The following TTC28 variants were observed in gnomAD, a reference collection of about 807,000 sequenced individuals.
TTC28 encodes tetratricopeptide repeat domain 28, also known as tetratricopeptide repeat protein 28.
TTC28 carries 61 observed loss-of-function variants against 198.0 expected under a neutral mutation model. The ratio of observed to expected loss-of-function variants is 0.31; its 90% CI spans 0.25 to 0.38. The LOEUF (loss-of-function observed/expected upper bound fraction) is 0.38. Ranked by LOEUF, TTC28 falls within the 10% of genes least tolerant of loss-of-function variation. TTC28 has a pLI of 1.00. For missense variants in TTC28, 2,678 were observed against 3,164.0 expected (o/e 0.85, Z 3.69); for synonymous variants, 1,171 against 1,297.8 (o/e 0.90, Z 2.10).
intron 5 of TTC28, among the ~76,000 whole-genome samples, chr22:28,170,907 C>T (rs1243306604): frequency 2.0e-5 from 3 of 152,030 alleles, no homozygotes; most frequent in Non-Finnish European, 2.9e-5. Context: ...TGCCTAGAAG[C>T]GCTTCTAACC....
chr22:28,476,777 A>C (rs1461726292), intron 2 of TTC28, among the ~76,000 whole-genome samples: 1 of 152,190 alleles, frequency 6.6e-6, no homozygotes, highest in Non-Finnish European at 1.5e-5. Flanking sequence ...ACTCTTAAGT[A>C]TTTGCTCAAG....
chr22:28,283,216 C>T (rs1404434529), intron 5 of TTC28, among the ~76,000 whole-genome samples: 1 of 152,040 alleles, frequency 6.6e-6, no homozygotes, highest in Non-Finnish European at 1.5e-5. Context: ...ACTTAATACT[C>T]CCTAAGAGGA....
chr22:28,225,363 AAAG>A (rs1386752531), intron 5 of TTC28, among the ~76,000 whole-genome samples: 43 of 108,922 alleles, frequency 3.9e-4, no homozygotes, highest in African/African-American at 1.9e-3. Flanking sequence ...TTAAAAAAAA[AAAG>A]AAAAGAAGAA....
rs1189014400 is a variant in TTC28, at chr22:28,271,922, G to A, written c.933+24276C>T. Among the ~76,000 whole-genome samples the A allele has an allele frequency of 4.6e-5, 7 of 152,008 alleles. No individual in the cohort carries two copies. The East Asian group carries it at 5.8e-4, about 13-fold the overall frequency. ...CTGGCTGATCTGGTGTTTTTATAAG[G>A]GTTTCCCCTTTTGCTTGGTTTTCAT... On this transcript the variant is annotated intron_variant, in intron 5 of 22. Coordinates refer to ENST00000397906, the MANE Select transcript of TTC28 (RefSeq NM_001145418.2).
intron 8 of TTC28, among the ~76,000 whole-genome samples, chr22:28,102,198 T>C (rs1407410994): frequency 6.6e-6 from 1 of 152,220 alleles, no homozygotes; most frequent in Non-Finnish European, 1.5e-5. Context: ...ATACATACGA[T>C]GTTCTCCTGA....
At chr22:28,461,420 C>T (rs2047948536) in intron 2 of TTC28, among the ~76,000 whole-genome samples, 1 of 151,998 alleles carries the variant, frequency 6.6e-6, no homozygotes, top group Admixed American at 6.6e-5. Context: ...AATATCAAAC[C>T]CACAATTCTT....
intron 2 of TTC28, among the ~76,000 whole-genome samples, chr22:28,314,683 C>T (rs1398977944): frequency 6.6e-6 from 1 of 152,064 alleles, no homozygotes. Flanking sequence ...GGCCATCTTA[C>T]CAGCCACCCT....
At chr22:28,674,265 G>GGT (rs1402145121) in intron 1 of TTC28, among the ~76,000 whole-genome samples, 1 of 107,664 alleles carries the variant, frequency 9.3e-6, no homozygotes, top group Non-Finnish European at 1.9e-5. Context: ...TTTCTTTGTG[G>GGT]TTTTTTTTTT....
At chr22:28,264,678 C>G (rs1231912634) in intron 5 of TTC28, among the ~76,000 whole-genome samples, 1 of 152,032 alleles carries the variant, frequency 6.6e-6, no homozygotes, top group East Asian at 1.9e-4. Flanking sequence ...CTGAAGACTG[C>G]CTTGGTTGTG....
At position 28,417,980 on chromosome 22, in the gene TTC28, T is replaced by C. The variant is rs372032555; in HGVS notation, c.382-111337A>G. ...CACTCCCAATGCATTAAAAGACAGA[T>C]CTTTTACCTTTTGTCTGACTGTAAC... is the stretch of plus-strand genomic sequence containing the variant. On this transcript the variant is annotated intron_variant, in intron 2 of 22. Coordinates refer to ENST00000397906, the MANE Select transcript of TTC28 (RefSeq NM_001145418.2). 2.1e-3 allele frequency among the ~76,000 whole-genome samples: 317 copies of C among 152,326 alleles called. 1 individual carries two copies. Among genetic ancestry groups the C allele is most frequent in the South Asian group, 3.5e-3 (17 of 4,824 alleles).
At chr22:28,489,331 G>A (rs559623527) in intron 2 of TTC28, among the ~76,000 whole-genome samples, 13 of 151,394 alleles carry the variant, frequency 8.6e-5, no homozygotes, top group South Asian at 6.3e-4. Flanking sequence ...ACATTACTCT[G>A]CCTCCATAAG....
At chr22:28,443,907 T>A (rs533278309) in intron 2 of TTC28, among the ~76,000 whole-genome samples, 4 of 152,188 alleles carry the variant, frequency 2.6e-5, no homozygotes, top group African/African-American at 9.7e-5. Context: ...AGGAAAGTAC[T>A]CTAGGCCAAA....
chr22:28,492,781 T>A (rs867714184), intron 2 of TTC28, among the ~76,000 whole-genome samples: 10 of 152,178 alleles, frequency 6.6e-5, no homozygotes, highest in African/African-American at 2.2e-4. Flanking sequence ...TAGCATACAG[T>A]CTGTGGTCTC....
chr22:28,307,978 C>T (rs912563455), intron 2 of TTC28, among the ~76,000 whole-genome samples: 4 of 152,062 alleles, frequency 2.6e-5, no homozygotes, highest in African/African-American at 9.7e-5. Context: ...ATTTACTTAT[C>T]TTACTTTTAT....
chr22:28,318,494 T>C (rs1368113990), intron 2 of TTC28, among the ~76,000 whole-genome samples: 1 of 152,124 alleles, frequency 6.6e-6, no homozygotes, highest in African/African-American at 2.4e-5. Context: ...GCTTTGACTT[T>C]TGTTCTCCTC....
chr22:28,415,324 C>A (rs182048206), intron 2 of TTC28, among the ~76,000 whole-genome samples: 1 of 151,078 alleles, frequency 6.6e-6, no homozygotes, highest in African/African-American at 2.4e-5. Context: ...TGGAGGCATG[C>A]AGGTAAGCAA....
chr22:28,204,609 C>T (rs149159972), intron 5 of TTC28, among the ~76,000 whole-genome samples: 1 of 152,108 alleles, frequency 6.6e-6, no homozygotes, highest in Non-Finnish European at 1.5e-5. Flanking sequence ...GAAAGACTAC[C>T]CTGCCACACA....
intron 13 of TTC28, chr22:28,029,204 C>T: frequency 4.6e-6 from 2 of 436,840 alleles, no homozygotes; most frequent in South Asian, 3.4e-5. Context: ...GTTTTGGCCT[C>T]CTTACAACCA....
intron 9 of TTC28, 23 bp from the exon 10 acceptor site, chr22:28,099,067 T>A (rs1431915737): frequency 6.4e-7 from 1 of 1,551,556 alleles, no homozygotes; most frequent in Non-Finnish European, 8.7e-7. Context: ...AGGAAGAACA[T>A]CATCCATTCC....
Sources: gnomAD v4.1 joint callset for allele counts (sites outside exome capture counted in the v4.1 genomes callset) on GRCh38, gnomAD v4.1.1 for gene constraint, MANE v1.5 for transcripts, NCBI Gene and HGNC (gene_info 2026-07-23, HGNC 2026-07-21) for gene names.